Variants in LARGE1 observed in about 807,000 individuals in gnomAD.
The protein encoded by LARGE1 is xylosyl- and glucuronyltransferase LARGE1.
Under a neutral mutation model 87.6 loss-of-function variants are expected in LARGE1, and 43 were observed. That is an observed-to-expected ratio of 0.49 (90% CI 0.38 to 0.63). The LOEUF is 0.63. LARGE1 is among the 30% of genes least tolerant of loss of function. The probability of loss-of-function intolerance (pLI) is 0.00; values close to 1 mark genes in which losing one functional copy is unlikely to be tolerated. For synonymous variants in LARGE1, 434 were observed against 394.6 expected, an observed-to-expected ratio of 1.10 and a Z score of -1.18; for missense variants, 802 against 1,000.2, an observed-to-expected ratio of 0.80 and a Z score of 2.67.
At chr22:33,641,566 G>C (rs2080434654) in intron 3 of LARGE1, among the ~76,000 whole-genome samples, 1 of 152,074 alleles carries the variant, frequency 6.6e-6, no homozygotes, top group South Asian at 2.1e-4. Context: ...TCAGAAGCTG[G>C]GTAATAACAA....
At chr22:33,100,992 G>A in the LARGE1 span, among the ~76,000 whole-genome samples, 2 of 151,716 alleles carry the variant, frequency 1.3e-5, no homozygotes, top group African/African-American at 2.4e-5. Flanking sequence ...ATTACAGGCA[G>A]GTGCTACCAC....
At chr22:33,410,862 T>C (rs2066284149) in intron 7 of LARGE1, among the ~76,000 whole-genome samples, 1 of 152,164 alleles carries the variant, frequency 6.6e-6, no homozygotes, top group South Asian at 2.1e-4. Flanking sequence ...ATGGGAATTA[T>C]ATGAGCTGGT....
chr22:33,442,965 G>A (rs981106837), intron 6 of LARGE1, among the ~76,000 whole-genome samples: 2 of 151,968 alleles, frequency 1.3e-5, no homozygotes, highest in Admixed American at 6.6e-5. Context: ...CTAATTTTTT[G>A]TATTTTTTAG....
At chr22:33,737,904 A>G (rs938468690) in intron 2 of LARGE1, 1 of 152,046 alleles carries the variant, frequency 6.6e-6, no homozygotes, top group African/African-American at 2.4e-5. Flanking sequence ...TTACATGGGG[A>G]AAAACTCTGC....
intron 6 of LARGE1, 95 bp downstream of exon 6, chr22:33,564,753 G>A (rs992885449): frequency 2.8e-5 from 36 of 1,272,102 alleles, no homozygotes; most frequent in Middle Eastern, 2.6e-4. Flanking sequence ...GACCTCATTC[G>A]AGGAGACCTC....
chr22:33,156,013 C>G, the LARGE1 span, among the ~76,000 whole-genome samples: 2 of 152,090 alleles, frequency 1.3e-5, no homozygotes, highest in African/African-American at 2.4e-5. Flanking sequence ...TGTGGGTGCA[C>G]AGAAGTCAAA....
intron 6 of LARGE1, among the ~76,000 whole-genome samples, chr22:33,509,314 C>A (rs1312348235): frequency 6.6e-6 from 1 of 152,146 alleles, no homozygotes; most frequent in African/African-American, 2.4e-5. Context: ...ATCCAAGACC[C>A]TCTCCCCATC....
intron 1 of LARGE1, among the ~76,000 whole-genome samples, chr22:33,858,364 T>C (rs1460042855): frequency 1.3e-5 from 2 of 152,034 alleles, no homozygotes; most frequent in South Asian, 2.1e-4. Context: ...GAGAGTGCGG[T>C]TGCAAGATTT....
At chr22:33,446,636 T>C (rs2067695999) in intron 6 of LARGE1, among the ~76,000 whole-genome samples, 1 of 152,046 alleles carries the variant, frequency 6.6e-6, no homozygotes, top group African/African-American at 2.4e-5. Flanking sequence ...GACAAATAGA[T>C]GGAGGAGCAG....
intron 1 of LARGE1, among the ~76,000 whole-genome samples, chr22:33,855,519 G>C (rs2063732890): frequency 1.3e-5 from 2 of 152,076 alleles, no homozygotes; most frequent in South Asian, 4.1e-4. Flanking sequence ...CCTCACCAGG[G>C]CTGTGTGGTA....
chr22:33,076,591 T>C, the LARGE1 span, among the ~76,000 whole-genome samples: 1 of 152,206 alleles, frequency 6.6e-6, no homozygotes, highest in African/African-American at 2.4e-5. Context: ...TCCGTGGTGC[T>C]GAATTGTATT....
intron 10 of LARGE1, among the ~76,000 whole-genome samples, chr22:33,327,875 T>C (rs538772325): frequency 1.3e-5 from 2 of 152,296 alleles, no homozygotes; most frequent in African/African-American, 4.8e-5. Context: ...AGTGGAGGGA[T>C]GCTTCTGGCA....
intron 10 of LARGE1, among the ~76,000 whole-genome samples, chr22:33,335,281 G>A (rs1365697122): frequency 6.6e-6 from 1 of 152,232 alleles, no homozygotes; most frequent in African/African-American, 2.4e-5. Context: ...CCCAGAATCT[G>A]AAAGAGTTCC....
At chr22:33,780,990 A>T (rs1483035893) in intron 1 of LARGE1, among the ~76,000 whole-genome samples, 1 of 152,248 alleles carries the variant, frequency 6.6e-6, no homozygotes, top group Non-Finnish European at 1.5e-5. Context: ...GATAGCGCAC[A>T]AAGCTGCCCC....
chr22:33,398,369 C>T (rs1285362433), intron 7 of LARGE1, among the ~76,000 whole-genome samples: 1 of 152,186 alleles, frequency 6.6e-6, no homozygotes, highest in Non-Finnish European at 1.5e-5. Flanking sequence ...ATCTAAGTCC[C>T]TGACACTCCC....
At chr22:33,238,331 A>G (rs972448339) in intron 11 of LARGE1, among the ~76,000 whole-genome samples, 1 of 152,212 alleles carries the variant, frequency 6.6e-6, no homozygotes, top group Non-Finnish European at 1.5e-5. Flanking sequence ...ATATATCTTG[A>G]TCCTGTAAGT....
intron 2 of LARGE1, among the ~76,000 whole-genome samples, chr22:33,748,088 A>C (rs1465235533): frequency 6.7e-6 from 1 of 149,018 alleles, no homozygotes; most frequent in African/African-American, 2.5e-5. Flanking sequence ...CACCCCAGAA[A>C]GAAGGAATCT....
chr22:33,864,093 A>G (rs760838557), intron 1 of LARGE1, among the ~76,000 whole-genome samples: 1 of 152,220 alleles, frequency 6.6e-6, no homozygotes, highest in Non-Finnish European at 1.5e-5. Flanking sequence ...TGGTTTGTAC[A>G]GAACCTACCA....
intron 1 of LARGE1, among the ~76,000 whole-genome samples, chr22:33,885,228 G>GATC (rs2064812561): frequency 6.6e-6 from 1 of 152,070 alleles, no homozygotes; most frequent in African/African-American, 2.4e-5. Context: ...CTATACCAGT[G>GATC]ACTCTATCAC....
Sources: allele counts gnomAD v4.1 joint callset (sites outside exome capture counted in the v4.1 genomes callset), GRCh38; gene constraint gnomAD v4.1.1; transcripts MANE v1.5; gene names NCBI Gene and HGNC (gene_info 2026-07-23, HGNC 2026-07-21).